PCDH15: variants seen among roughly 807,000 people sequenced by gnomAD.
PCDH15 encodes protocadherin related 15, also known as protocadherin-15.
In PCDH15, 129 loss-of-function variants were observed where a neutral mutation model predicts 178.5. That is an observed-to-expected ratio of 0.72 (90% CI 0.63 to 0.84). PCDH15 has a LOEUF of 0.84. PCDH15 is among the 40% of genes least tolerant of loss of function. The probability of loss-of-function intolerance (pLI) is 0.00; values close to 1 mark genes in which losing one functional copy is unlikely to be tolerated. For missense variants in PCDH15, 2,230 were observed against 2,099.9 expected, an observed-to-expected ratio of 1.06 and a Z score of -1.21; for synonymous variants, 800 against 732.0, an observed-to-expected ratio of 1.09 and a Z score of -1.50.
At chr10:54,685,314 CTT>C (rs1201431216) in intron 1 of PCDH15, among the ~76,000 whole-genome samples, 1 of 152,094 alleles carries the variant, frequency 6.6e-6, no homozygotes, top group Non-Finnish European at 1.5e-5. Flanking sequence ...AACAATAAAA[CTT>C]ACAGTATTGT....
chr10:54,532,052 C>T (rs2083985337), intron 2 of PCDH15, among the ~76,000 whole-genome samples: 1 of 152,140 alleles, frequency 6.6e-6, no homozygotes. Context: ...CCACTCACTG[C>T]TTTCAATCTG....
chr10:54,933,993 T>C (rs1837844776), intron 2 of PCDH15, among the ~76,000 whole-genome samples: 1 of 152,146 alleles, frequency 6.6e-6, no homozygotes, highest in Non-Finnish European at 1.5e-5. Flanking sequence ...CTGAACATAA[T>C]GAATTAAGAT....
chr10:54,724,935 A>C (rs1817914856), intron 1 of PCDH15, among the ~76,000 whole-genome samples: 1 of 150,476 alleles, frequency 6.6e-6, no homozygotes, highest in Non-Finnish European at 1.5e-5. Context: ...TAGATATATA[A>C]ATAGATACAC....
intron 2 of PCDH15, among the ~76,000 whole-genome samples, chr10:55,414,801 G>A (rs905540564): frequency 7.0e-6 from 1 of 143,708 alleles, no homozygotes; most frequent in South Asian, 2.2e-4. Flanking sequence ...GTGTGTGTGT[G>A]TGTCTGTGTG....
chr10:55,373,397 T>C (rs1845551665), intron 2 of PCDH15, among the ~76,000 whole-genome samples: 2 of 152,272 alleles, frequency 1.3e-5, no homozygotes, highest in East Asian at 1.9e-4. Flanking sequence ...GGGCAGATGA[T>C]AATTCCTTCT....
chr10:55,340,981 C>A lies in PCDH15; in HGVS notation c.-155-174330G>T, dbSNP rs557739232. ...CCAAAATTTACACAATTTGAAATCT[C>A]ATTTTCTTTTATTTTGTTTTCTTTT... On this transcript the variant is annotated intron_variant, in intron 2 of 5. Coordinates refer to the PCDH15 transcript ENST00000613346. 2.0e-5 allele frequency among the ~76,000 whole-genome samples: 3 copies of A among 152,004 alleles called. No homozygotes were observed. In the South Asian group the frequency reaches 6.2e-4, roughly 32 times the overall value.
intron 2 of PCDH15, among the ~76,000 whole-genome samples, chr10:55,108,474 T>C (rs570876328): frequency 1.3e-5 from 2 of 152,164 alleles, no homozygotes; most frequent in Non-Finnish European, 2.9e-5. Context: ...ATATGCAAAG[T>C]TGCAGCTATG....
intron 2 of PCDH15, among the ~76,000 whole-genome samples, chr10:54,966,375 C>T (rs527628715): frequency 3.3e-5 from 5 of 151,986 alleles, no homozygotes; most frequent in African/African-American, 9.6e-5. Flanking sequence ...TTCTGAGAAA[C>T]GTATGGTTAG....
At chr10:55,323,594 A>C (rs1181591786), upstream of PCDH15, among the ~76,000 whole-genome samples, 2 of 152,164 alleles carry the variant, frequency 1.3e-5, no homozygotes, top group East Asian at 1.9e-4. Context: ...GCCCCACTGG[A>C]TTATGGAGTT....
At chr10:54,728,831 G>A (rs1174244860) in intron 1 of PCDH15, among the ~76,000 whole-genome samples, 1 of 151,270 alleles carries the variant, frequency 6.6e-6, no homozygotes, top group Non-Finnish European at 1.5e-5. Context: ...CATAATAGCT[G>A]CAAATAAATA....
At chr10:54,179,888 G>C (rs998198792) in intron 13 of PCDH15, among the ~76,000 whole-genome samples, 2 of 152,178 alleles carry the variant, frequency 1.3e-5, no homozygotes, top group Admixed American at 6.5e-5. Flanking sequence ...TGGATAGCTA[G>C]CTACTAGTAT....
intron 1 of PCDH15, among the ~76,000 whole-genome samples, chr10:54,708,370 C>A (rs1015616345): frequency 6.6e-6 from 1 of 152,116 alleles, no homozygotes; most frequent in Admixed American, 6.6e-5. Context: ...AATAGACTAA[C>A]CCAAGTTGGA....
At chr10:55,137,974 G>A (rs17529942) in intron 2 of PCDH15, among the ~76,000 whole-genome samples, 12,948 of 152,136 alleles carry the variant, frequency 0.085, 762 homozygotes, top group Non-Finnish European at 0.13. Context: ...TTCAAGGCCT[G>A]AAAACCTGTC....
rs148916253 is a variant in PCDH15, at chr10:54,849,557, C to G, written c.-29+47893G>C. Among the ~76,000 whole-genome samples, 89 of 152,218 alleles carry G rather than the reference C, an allele frequency of 5.8e-4. 1 individual carries two copies. Among genetic ancestry groups the G allele is most frequent in the Middle Eastern group, 3.4e-3 (1 of 294 alleles). ...CCAGAATGACCTATTTCCGCTGGGG[C>G]TTTTGATTCACTGGCCATCCATATA... On this transcript the variant is annotated intron_variant, in intron 3 of 5. Coordinates refer to the PCDH15 transcript ENST00000458638.
chr10:55,052,310 G>A (rs61850899), intron 2 of PCDH15, among the ~76,000 whole-genome samples: 2 of 96,554 alleles, frequency 2.1e-5, no homozygotes, highest in East Asian at 3.3e-4. Flanking sequence ...CAGGATGGTC[G>A]CGATCTCCTT....
chr10:54,178,406 A>T (rs916404534), intron 13 of PCDH15, among the ~76,000 whole-genome samples: 3 of 152,256 alleles, frequency 2.0e-5, no homozygotes, highest in Non-Finnish European at 4.4e-5. Context: ...ATGAAGAATT[A>T]TATCTGGGAG....
chr10:55,392,733 TAAAC>T (rs956436926), intron 2 of PCDH15, among the ~76,000 whole-genome samples: 61 of 152,240 alleles, frequency 4.0e-4, no homozygotes, highest in African/African-American at 1.4e-3. Flanking sequence ...GTTGGTTAAA[TAAAC>T]AAAATTTATT....
chr10:54,094,755 T>G (rs897561218), intron 15 of PCDH15, among the ~76,000 whole-genome samples: 4 of 152,170 alleles, frequency 2.6e-5, no homozygotes, highest in African/African-American at 9.7e-5. Context: ...TTTATTTAAT[T>G]TAATATAATT....
intron 15 of PCDH15, among the ~76,000 whole-genome samples, chr10:54,131,684 G>T (rs1420236833): frequency 6.6e-6 from 1 of 152,084 alleles, no homozygotes; most frequent in East Asian, 1.9e-4. Flanking sequence ...AGTAGTACTT[G>T]GTAATGCCAA....
Sources: gnomAD v4.1 joint callset for allele counts (sites outside exome capture counted in the v4.1 genomes callset) on GRCh38, gnomAD v4.1.1 for gene constraint, MANE v1.5 for transcripts, NCBI Gene and HGNC (gene_info 2026-07-23, HGNC 2026-07-21) for gene names.